Variants in KHDRBS2 observed in about 807,000 individuals in gnomAD.
KHDRBS2 encodes KH RNA binding domain containing, signal transduction associated 2.
Under a neutral mutation model 44.3 loss-of-function variants are expected in KHDRBS2, and 26 were observed. The ratio of observed to expected loss-of-function variants is 0.59; its 90% CI spans 0.43 to 0.81. KHDRBS2 has a LOEUF of 0.81. KHDRBS2 is among the 40% of genes least tolerant of loss of function. The pLI, the probability that KHDRBS2 is intolerant of heterozygous loss-of-function variation, is 0.00. For missense variants in KHDRBS2, 476 were observed against 433.1 expected (o/e 1.10, Z -0.88); for synonymous variants, 194 against 151.1 (o/e 1.28, Z -2.08).
intron 8 of KHDRBS2, among the ~76,000 whole-genome samples, chr6:61,691,926 T>C (rs1196710488): frequency 6.6e-6 from 1 of 152,144 alleles, no homozygotes; most frequent in African/African-American, 2.4e-5. Flanking sequence ...AGATAGTGTA[T>C]TAATATTATC....
chr6:61,550,766 C>CTTTTTTTTTTTTTTTTTTTTT, the KHDRBS2 span, among the ~76,000 whole-genome samples: 3 of 117,038 alleles, frequency 2.6e-5, no homozygotes, highest in African/African-American at 6.8e-5. Flanking sequence ...GAGATGGTAT[C>CTTTTTTTTTTTTTTTTTTTTT]TTTTTTTTTT....
chr6:62,095,711 C>G (rs773335275), intron 2 of KHDRBS2, among the ~76,000 whole-genome samples: 14 of 151,818 alleles, frequency 9.2e-5, no homozygotes, highest in African/African-American at 1.4e-4. Flanking sequence ...CCTTTTATTT[C>G]TTTTTCTTGC....
chr6:62,240,714 AT>A (rs1216419889), intron 1 of KHDRBS2, among the ~76,000 whole-genome samples: 29 of 137,074 alleles, frequency 2.1e-4, no homozygotes, highest in Non-Finnish European at 3.9e-4. Flanking sequence ...ATATATATAT[AT>A]ATAAACATGA....
At chr6:61,748,349 T>A (rs1777158529) in intron 6 of KHDRBS2, among the ~76,000 whole-genome samples, 1 of 152,166 alleles carries the variant, frequency 6.6e-6, no homozygotes. Context: ...ATTTACTTAT[T>A]CATGTATTTA....
chr6:62,255,233 T>G (rs1221558045), intron 1 of KHDRBS2, among the ~76,000 whole-genome samples: 4 of 152,088 alleles, frequency 2.6e-5, no homozygotes, highest in Non-Finnish European at 5.9e-5. Flanking sequence ...AGCTACTTTT[T>G]TAGGGTAGCC....
chr6:62,231,546 G>T (rs1204290355), intron 1 of KHDRBS2, among the ~76,000 whole-genome samples: 1 of 152,032 alleles, frequency 6.6e-6, no homozygotes, highest in Non-Finnish European at 1.5e-5. Flanking sequence ...AGATTTGGGT[G>T]GGGACACACA....
the KHDRBS2 span, among the ~76,000 whole-genome samples, chr6:61,671,450 G>C: frequency 6.6e-6 from 1 of 151,620 alleles, no homozygotes; most frequent in Non-Finnish European, 1.5e-5. Flanking sequence ...TATTTCTCCT[G>C]TTTTCTCAAT....
chr6:61,812,333 A>G (rs73476635), intron 6 of KHDRBS2, among the ~76,000 whole-genome samples: 72 of 152,206 alleles, frequency 4.7e-4, no homozygotes, highest in African/African-American at 1.7e-3. Context: ...AGTACTGTGA[A>G]GAGTGCTTGT....
chr6:62,046,744 G>A (rs184658546), intron 3 of KHDRBS2, among the ~76,000 whole-genome samples: 1 of 151,952 alleles, frequency 6.6e-6, no homozygotes, highest in African/African-American at 2.4e-5. Context: ...TTTATTTTAA[G>A]TGTAGTCAGA....
chr6:61,893,748 G>A (rs539644984), intron 6 of KHDRBS2, among the ~76,000 whole-genome samples: 1 of 152,256 alleles, frequency 6.6e-6, no homozygotes. Flanking sequence ...GGGGCCTGTT[G>A]TGGGGTGAGG....
the KHDRBS2 span, among the ~76,000 whole-genome samples, chr6:61,556,091 G>A: frequency 6.6e-6 from 1 of 152,210 alleles, no homozygotes; most frequent in African/African-American, 2.4e-5. Context: ...GTGGGCATTG[G>A]CAGTGGCAGC....
intron 2 of KHDRBS2, among the ~76,000 whole-genome samples, chr6:62,058,310 G>T (rs1213413644): frequency 1.3e-5 from 2 of 151,836 alleles, no homozygotes; most frequent in Non-Finnish European, 2.9e-5. Context: ...GATACAGCTG[G>T]TCTTGAATTC....
chr6:61,622,408 G>T, the KHDRBS2 span, among the ~76,000 whole-genome samples: 1 of 152,164 alleles, frequency 6.6e-6, no homozygotes, highest in Non-Finnish European at 1.5e-5. Flanking sequence ...GGAGGAAAGA[G>T]ATTATATCCA....
chr6:61,720,195 G>A (rs1290344961), intron 7 of KHDRBS2, among the ~76,000 whole-genome samples: 21 of 152,100 alleles, frequency 1.4e-4, no homozygotes, highest in Non-Finnish European at 2.5e-4. Context: ...CATTTGGGTT[G>A]GTTCCAAGTC....
At chr6:62,147,821 C>T (rs1163378701) in intron 2 of KHDRBS2, among the ~76,000 whole-genome samples, 2 of 151,936 alleles carry the variant, frequency 1.3e-5, no homozygotes, top group African/African-American at 2.4e-5. Flanking sequence ...TTCTCTATAC[C>T]TGGCACGGTT....
At position 62,028,351 on chromosome 6, in the gene KHDRBS2, T is replaced by C. The variant is rs558936183; in HGVS notation, c.336+19527A>G. ...GATAAAATCTGGATAAGACTTAAGA[T>C]TCCTATTAATTCTTTTTGTTCAGTG... On this transcript the variant is annotated intron_variant, in intron 3 of 8. Coordinates refer to ENST00000281156, the MANE Select transcript of KHDRBS2 (RefSeq NM_152688.4). Among the ~76,000 whole-genome samples, 322 of 152,194 alleles carry C rather than the reference T, an allele frequency of 2.1e-3. 1 individual carries two copies. The highest frequency in any genetic ancestry group is 7.3e-3 in the African/African-American group (302 of 41,564).
At chr6:61,646,615 T>C in the KHDRBS2 span, among the ~76,000 whole-genome samples, 3,717 of 152,250 alleles carry the variant, frequency 0.024, 68 homozygotes, top group Middle Eastern at 0.088. Context: ...GTGAAGAACA[T>C]AGCCTCTGTA....
intron 2 of KHDRBS2, among the ~76,000 whole-genome samples, chr6:62,056,957 AACC>A (rs1368962332): frequency 6.6e-6 from 1 of 151,958 alleles, no homozygotes; most frequent in African/African-American, 2.4e-5. Flanking sequence ...ATCAAATTGA[AACC>A]AAACTGTGAA....
chr6:62,039,740 T>G (rs562189195), intron 3 of KHDRBS2, among the ~76,000 whole-genome samples: 1 of 152,178 alleles, frequency 6.6e-6, no homozygotes, highest in East Asian at 1.9e-4. Flanking sequence ...ATCTAAAATG[T>G]TCAAAAGGAG....
Sources: allele counts gnomAD v4.1 joint callset (sites outside exome capture counted in the v4.1 genomes callset), GRCh38; gene constraint gnomAD v4.1.1; transcripts MANE v1.5; gene names NCBI Gene and HGNC (gene_info 2026-07-23, HGNC 2026-07-21).